Variants in SRGAP2B observed in about 807,000 individuals in gnomAD.
The protein encoded by SRGAP2B is SLIT-ROBO Rho GTPase-activating protein 2B.
Under a neutral mutation model 22.2 loss-of-function variants are expected in SRGAP2B, and 9 were observed. The ratio of observed to expected loss-of-function variants is 0.41; its 90% CI spans 0.24 to 0.71. The LOEUF is 0.71. Ranked by LOEUF, SRGAP2B falls within the 30% of genes least tolerant of loss-of-function variation. The pLI, the probability that SRGAP2B is intolerant of heterozygous loss-of-function variation, is 0.35. For missense variants in SRGAP2B, 114 were observed against 235.8 expected (o/e 0.48, Z 3.38); for synonymous variants, 36 against 87.4 (o/e 0.41, Z 3.28).
chr1:145,017,883 C>A (rs1672541869), intron 2 of SRGAP2B, among the ~76,000 whole-genome samples: 1 of 150,870 alleles, frequency 6.6e-6, no homozygotes, highest in Non-Finnish European at 1.5e-5. Flanking sequence ...TCTATCTCCA[C>A]TCTTCCTTCC....
chr1:144,958,461 C>A (rs1171274470), intron 3 of SRGAP2B, among the ~76,000 whole-genome samples: 2 of 145,276 alleles, frequency 1.4e-5, no homozygotes, highest in African/African-American at 5.3e-5. Context: ...AGTTCAAGAC[C>A]AGCCTGGCCA....
intron 5 of SRGAP2B, among the ~76,000 whole-genome samples, chr1:144,911,625 T>G (rs1262093790): frequency 6.7e-6 from 1 of 148,236 alleles, no homozygotes; most frequent in Non-Finnish European, 1.5e-5. Flanking sequence ...TGCTATTTTT[T>G]TTTTTTTTTT....
At chr1:144,957,148 C>G (rs1409293349) in intron 3 of SRGAP2B, among the ~76,000 whole-genome samples, 1 of 150,874 alleles carries the variant, frequency 6.6e-6, no homozygotes, top group East Asian at 1.9e-4. Flanking sequence ...TTCTTTCCCC[C>G]TTTCCTCTCT....
intron 4 of SRGAP2B, among the ~76,000 whole-genome samples, chr1:144,944,442 C>T (rs1416084659): frequency 1.3e-5 from 2 of 149,050 alleles, no homozygotes; most frequent in Admixed American, 6.6e-5. Context: ...AAAAAATTAG[C>T]CAAGCATGAT....
intron 3 of SRGAP2B, among the ~76,000 whole-genome samples, chr1:144,990,812 G>A (rs1178201401): frequency 1.3e-5 from 2 of 151,410 alleles, no homozygotes; most frequent in Non-Finnish European, 2.9e-5. Context: ...TGCGGAGGGT[G>A]TACTGAGTCC....
chr1:145,044,650 T>TG (rs1649545125), intron 2 of SRGAP2B, among the ~76,000 whole-genome samples: 2 of 30,662 alleles, frequency 6.5e-5, no homozygotes, highest in African/African-American at 1.3e-4. Context: ...AACCCCCTCC[T>TG]AAAAAAAAAA....
chr1:144,944,673 G>T (rs1268486232), intron 4 of SRGAP2B, among the ~76,000 whole-genome samples: 3 of 139,472 alleles, frequency 2.2e-5, no homozygotes, highest in East Asian at 2.1e-4. Flanking sequence ...ACAAAAGAAA[G>T]AATTGGTTGT....
At chr1:144,944,540 TCA>T (rs1553608041) in intron 4 of SRGAP2B, among the ~76,000 whole-genome samples, 1 of 109,996 alleles carries the variant, frequency 9.1e-6, no homozygotes, top group East Asian at 3.0e-4. Flanking sequence ...TGAGCTATGA[TCA>T]CACCACTGTA....
intron 2 of SRGAP2B, among the ~76,000 whole-genome samples, chr1:145,008,736 C>T (rs1206887169): frequency 2.4e-5 from 3 of 125,678 alleles, no homozygotes; most frequent in African/African-American, 1.0e-4. Context: ...CGTCATCATT[C>T]ACTGTACCTT....
intron 2 of SRGAP2B, among the ~76,000 whole-genome samples, chr1:145,015,581 GAAA>G (rs1672357483): frequency 6.7e-6 from 1 of 149,652 alleles, no homozygotes; most frequent in Admixed American, 6.6e-5. Context: ...GGAGTATACA[GAAA>G]TTGGTCTAGG....
rs868989801 is a variant in SRGAP2B, at chr1:144,965,591, C to T, written c.261-9990G>A. On this transcript the variant is annotated intron_variant, in intron 3 of 9. Transcript: ENST00000612199. ...TCTAAAACGCAGAGCGCCTCTCCTC[C>T]TCCAAAGGAACGCAGTTCCTCACCA... 2.3e-4 allele frequency among the ~76,000 whole-genome samples: 31 copies of T among 137,712 alleles called. 1 individual carries two copies. The highest frequency in any genetic ancestry group is 3.7e-3 in the Middle Eastern group (1 of 272). The allele number at this position is 137,712 out of a possible 152,430, so 90.3% of individuals were successfully genotyped here. A position where few individuals can be genotyped will look rare whatever the true frequency, so the allele number is the denominator to read the frequency against.
At chr1:145,013,869 A>G (rs1356941336) in intron 2 of SRGAP2B, among the ~76,000 whole-genome samples, 1 of 150,562 alleles carries the variant, frequency 6.6e-6, no homozygotes, top group Non-Finnish European at 1.5e-5. Context: ...TGATGAGCTA[A>G]TAAACATCAT....
intron 2 of SRGAP2B, among the ~76,000 whole-genome samples, chr1:145,006,384 T>C (rs1182585359): frequency 6.7e-6 from 1 of 150,206 alleles, no homozygotes; most frequent in Non-Finnish European, 1.5e-5. Context: ...ATAAGCAATC[T>C]CTTGTTATGT....
At chr1:144,971,511 C>G (rs1553613278) in intron 3 of SRGAP2B, among the ~76,000 whole-genome samples, 1 of 150,450 alleles carries the variant, frequency 6.6e-6, no homozygotes, top group Non-Finnish European at 1.5e-5. Context: ...TTCACTGTAG[C>G]CTCAAACTCC....
chr1:145,044,285 C>T (rs1553628191), intron 2 of SRGAP2B, among the ~76,000 whole-genome samples: 1 of 123,150 alleles, frequency 8.1e-6, no homozygotes, highest in African/African-American at 3.5e-5. Context: ...TGGGAGTCAA[C>T]TTGAAGAGAT....
At chr1:144,967,137 G>A (rs587644249) in intron 3 of SRGAP2B, among the ~76,000 whole-genome samples, 57 of 95,652 alleles carry the variant, frequency 6.0e-4, no homozygotes, top group East Asian at 4.6e-3. Context: ...TGCACCAAGC[G>A]GACCTAATAG....
In SRGAP2B at chr1:144,908,742, TCAAGATAGGACTTAGAGAAAGC is replaced by T. The variant is rs1272526710; in HGVS notation, c.487-2690_487-2669del. Among the ~76,000 whole-genome samples the T allele has an allele frequency of 1.2e-4, 17 of 140,350 alleles. No homozygotes were observed. In the South Asian group the frequency reaches 1.6e-3, roughly 13 times the overall value. The allele number at this position is 140,350 out of a possible 152,430, so 92.1% of individuals were successfully genotyped here. On this transcript the variant is annotated intron_variant, in intron 5 of 9. Transcript: ENST00000612199. ...TATATTTATAAATATATATTTATAGTCAAGATAGGACTTAGAGAAAGCCAAGATAGGACTTAGATATATATAT... is the reference window on the plus strand; with the variant it reads ...TATATTTATAAATATATATTTATAGTCAAGATAGGACTTAGATATATATAT...
intron 3 of SRGAP2B, among the ~76,000 whole-genome samples, chr1:144,984,880 C>T (rs1177016686): frequency 6.7e-6 from 1 of 149,998 alleles, no homozygotes; most frequent in Non-Finnish European, 1.5e-5. Context: ...ACAAACCCAT[C>T]TACCTTTGTC....
chr1:144,971,487 G>A (rs1470118045), intron 3 of SRGAP2B, among the ~76,000 whole-genome samples: 5 of 150,076 alleles, frequency 3.3e-5, no homozygotes, highest in South Asian at 2.1e-4. Context: ...TGGAGTACAC[G>A]GGCATGACCA....
Sources: allele counts gnomAD v4.1 joint callset (sites outside exome capture counted in the v4.1 genomes callset), GRCh38; gene constraint gnomAD v4.1.1; transcripts MANE v1.5; gene names NCBI Gene and HGNC (gene_info 2026-07-23, HGNC 2026-07-21).